The following RORA variants were observed in gnomAD, a reference collection of about 807,000 sequenced individuals.
RORA encodes the protein nuclear receptor ROR-alpha.
RORA carries 7 observed loss-of-function variants against 69.5 expected under a neutral mutation model. The ratio of observed to expected loss-of-function variants is 0.10; its 90% confidence interval spans 0.06 to 0.19. The LOEUF is 0.19. RORA is among the 10% of genes least tolerant of loss of function. The pLI is 1.00. For missense variants in RORA, 457 were observed against 663.0 expected, an observed-to-expected ratio of 0.69 and a Z score of 3.41; for synonymous variants, 261 against 240.8, an observed-to-expected ratio of 1.08 and a Z score of -0.78.
chr15:60,664,406 T>G (rs2070351408), intron 2 of RORA, among the ~76,000 whole-genome samples: 1 of 152,138 alleles, frequency 6.6e-6, no homozygotes, highest in Admixed American at 6.5e-5. Context: ...TGAAGATAGC[T>G]CCTCTCACTG....
intron 1 of RORA, among the ~76,000 whole-genome samples, chr15:60,860,775 A>G (rs887691971): frequency 2.6e-5 from 4 of 152,266 alleles, no homozygotes; most frequent in African/African-American, 9.6e-5. Context: ...ATGTACACTT[A>G]CTGGGCACCC....
intron 1 of RORA, among the ~76,000 whole-genome samples, chr15:60,917,809 G>A (rs1042136336): frequency 2.0e-5 from 3 of 152,216 alleles, no homozygotes; most frequent in African/African-American, 7.2e-5. Flanking sequence ...TGATGGAAGT[G>A]GAGTTATAAT....
chr15:61,132,849 A>G (rs2079203418), intron 1 of RORA, among the ~76,000 whole-genome samples: 1 of 152,338 alleles, frequency 6.6e-6, no homozygotes, highest in East Asian at 1.9e-4. Context: ...ATTGACCTGT[A>G]TAAATGTATG....
chr15:60,793,514 T>C (rs1396981245), intron 1 of RORA, among the ~76,000 whole-genome samples: 4 of 150,602 alleles, frequency 2.7e-5, no homozygotes, highest in Non-Finnish European at 5.9e-5. Context: ...CCCTTTCACA[T>C]TTTCAATATA....
At chr15:60,828,289 A>G (rs891657288) in intron 1 of RORA, among the ~76,000 whole-genome samples, 4 of 152,206 alleles carry the variant, frequency 2.6e-5, no homozygotes, top group Non-Finnish European at 5.9e-5. Context: ...AGGCAAGTAA[A>G]GAGACATGGT....
rs1358382811 is a variant in RORA, at chr15:61,068,394, C to T, written c.166+160659G>A. Among the ~76,000 whole-genome samples, 4 of 152,158 alleles carry T rather than the reference C, an allele frequency of 2.6e-5. No homozygotes were observed. In the East Asian group the frequency reaches 5.8e-4, roughly 22 times the overall value. On this transcript the variant is annotated intron_variant, in intron 1 of 10. Transcript: ENST00000335670. Reference sequence around the variant, plus strand: ...CCACTGTTTCCTCTCTTGAAGATAGCCTCCACCCATGAGAGTGTTTCCTCT... The same window carrying T: ...CCACTGTTTCCTCTCTTGAAGATAGTCTCCACCCATGAGAGTGTTTCCTCT...
At chr15:61,106,923 G>C (rs1011745105) in intron 1 of RORA, among the ~76,000 whole-genome samples, 1 of 152,118 alleles carries the variant, frequency 6.6e-6, no homozygotes, top group Non-Finnish European at 1.5e-5. Context: ...CTATGTGCTG[G>C]GTCCTTCCCT....
chr15:60,627,108 C>T, intron 2 of RORA: 1 of 807,744 alleles, frequency 1.2e-6, no homozygotes, highest in Non-Finnish European at 2.0e-6. Flanking sequence ...TCCTCATGGG[C>T]TTCATCTTTT....
chr15:60,851,088 C>T (rs1378351408), intron 1 of RORA, among the ~76,000 whole-genome samples: 6 of 152,264 alleles, frequency 3.9e-5, no homozygotes, highest in Admixed American at 2.0e-4. Context: ...TCTTGTTAAG[C>T]GCTTTGCGAG....
chr15:61,098,281 T>G (rs1002451382), intron 1 of RORA, among the ~76,000 whole-genome samples: 1 of 138,630 alleles, frequency 7.2e-6, no homozygotes, highest in Non-Finnish European at 1.6e-5. Flanking sequence ...TCTTCCCTCC[T>G]TCCCTGCCTC....
At chr15:60,998,785 C>T (rs1227899849) in intron 1 of RORA, among the ~76,000 whole-genome samples, 1 of 152,204 alleles carries the variant, frequency 6.6e-6, no homozygotes, top group African/African-American at 2.4e-5. Flanking sequence ...CTCAGCTTGG[C>T]CAGGGCCCAC....
chr15:61,187,923 A>G (rs1567029302), intron 1 of RORA, among the ~76,000 whole-genome samples: 1 of 152,042 alleles, frequency 6.6e-6, no homozygotes, highest in Non-Finnish European at 1.5e-5. Context: ...AATTTAAAGA[A>G]GTTCCCCAAC....
chr15:60,757,358 A>G (rs191321217), intron 1 of RORA, among the ~76,000 whole-genome samples: 6 of 152,236 alleles, frequency 3.9e-5, no homozygotes, highest in Admixed American at 3.3e-4. Context: ...AGCTATACAC[A>G]GGTTCAGGAA....
At chr15:60,901,902 CG>C (rs1891402923) in intron 1 of RORA, among the ~76,000 whole-genome samples, 2 of 152,172 alleles carry the variant, frequency 1.3e-5, no homozygotes, top group African/African-American at 4.8e-5. Context: ...GTAGTTCACA[CG>C]GTGCCTGACA....
At position 60,531,655 on chromosome 15, in the gene RORA, T is replaced by C; in HGVS notation, c.282+111A>G. ...ATTTCTTCTATCCTGTAATTTCTTATCATTCAAAATTCTAAGGAGTTGAAT... is the reference window on the plus strand; with the variant it reads ...ATTTCTTCTATCCTGTAATTTCTTACCATTCAAAATTCTAAGGAGTTGAAT... On this transcript the variant is annotated intron_variant, in intron 3 of 10. Transcript: ENST00000335670. The surrounding 1 kb of genome is among the most constrained non-coding windows in gnomAD (Gnocchi z 4.8). The C allele has an allele frequency of 3.2e-6, 2 of 624,490 alleles. No homozygotes were observed. The highest frequency in any genetic ancestry group is 2.8e-6 in the Non-Finnish European group (1 of 358,688). 38.7% of individuals were successfully genotyped at this position (624,490 alleles called of 1,614,324 possible).
intron 1 of RORA, among the ~76,000 whole-genome samples, chr15:60,809,547 C>A (rs2140365700): frequency 6.6e-6 from 1 of 152,226 alleles, no homozygotes. Context: ...TTTGATGTTT[C>A]TGTTTTAGGC....
intron 1 of RORA, among the ~76,000 whole-genome samples, chr15:60,849,800 G>A (rs2073304810): frequency 6.6e-6 from 1 of 152,132 alleles, no homozygotes; most frequent in Non-Finnish European, 1.5e-5. Flanking sequence ...TGAGGAGGTG[G>A]GATTTCAGTT....
rs566630011 is a variant in RORA at position 61,039,595 on chromosome 15, A to C, written c.166+189458T>G. Among the ~76,000 whole-genome samples the C allele has an allele frequency of 1.9e-4, 29 of 152,074 alleles. No individual in the cohort carries two copies. The South Asian group carries it at 5.4e-3, about 28-fold the overall frequency. ...CTGTCTCTACTAAGAAAATACAAAA[A>C]TTAGCTGGGTGTGGTGGTGCACACC... On this transcript the variant is annotated intron_variant, in intron 1 of 10. Coordinates refer to ENST00000335670, the MANE Select transcript of RORA (RefSeq NM_134261.3).
chr15:60,558,090 T>C (rs931180827), intron 2 of RORA: 4 of 513,402 alleles, frequency 7.8e-6, no homozygotes, highest in Middle Eastern at 5.0e-4. Flanking sequence ...ATGGGTGATG[T>C]TGAGAAAACC....
Sources: allele counts gnomAD v4.1 joint callset (sites outside exome capture counted in the v4.1 genomes callset), GRCh38; gene constraint gnomAD v4.1.1; non-coding constraint Gnocchi (gnomAD v3.1); transcripts MANE v1.5; gene names NCBI Gene and HGNC (gene_info 2026-07-23, HGNC 2026-07-21).